The following WRN variants were observed in gnomAD, a reference collection of about 807,000 sequenced individuals.
The protein encoded by WRN is WRN RecQ like helicase.
Under a neutral mutation model 180.7 loss-of-function variants are expected in WRN, and 149 were observed. That is an observed-to-expected ratio of 0.82 (90% CI 0.72 to 0.94). The LOEUF (loss-of-function observed/expected upper bound fraction) is 0.94, where lower values mean the gene tolerates loss of function less well. Ranked by LOEUF, WRN falls within the 40% of genes least tolerant of loss-of-function variation. WRN has a pLI of 0.00. For missense variants in WRN, 1,661 were observed against 1,700.1 expected, an observed-to-expected ratio of 0.98 and a Z score of 0.40; for synonymous variants, 548 against 568.9, an observed-to-expected ratio of 0.96 and a Z score of 0.52.
intron 1 of WRN, among the ~76,000 whole-genome samples, chr8:31,044,541 G>C (rs1811786309): frequency 2.0e-5 from 3 of 151,850 alleles, no homozygotes; most frequent in Admixed American, 2.0e-4. Context: ...ATTTTTATTA[G>C]AGATGGGGTT....
intron 1 of WRN, among the ~76,000 whole-genome samples, chr8:31,051,532 T>G (rs1812077481): frequency 6.6e-6 from 1 of 152,254 alleles, no homozygotes; most frequent in South Asian, 2.1e-4. Flanking sequence ...TCCCAATATC[T>G]AAATGCTGTC....
chr8:31,111,852 T>A (rs982624866), intron 19 of WRN, 53 bp downstream of exon 19: 173 of 1,501,602 alleles, frequency 1.2e-4, no homozygotes, highest in Non-Finnish European at 1.5e-4. Context: ...TTTTTTTTTT[T>A]AACAACTTAT....
chr8:31,152,971 G>A (rs1486669441), intron 31 of WRN, among the ~76,000 whole-genome samples: 1 of 151,594 alleles, frequency 6.6e-6, no homozygotes, highest in Non-Finnish European at 1.5e-5. Context: ...TGAGCCCGGG[G>A]ATTTGAGGCT....
At position 31,157,216 on chromosome 8, in the gene WRN, G is replaced by T. The variant is rs949962610; in HGVS notation, c.3820-152G>T. 6 of 1,136,334 alleles carry T rather than the reference G, an allele frequency of 5.3e-6. No homozygotes were observed. The African/African-American group carries it at 9.3e-5, about 18-fold the overall frequency. The allele number at this position is 1,136,334 out of a possible 1,614,324, so 70.4% of individuals were successfully genotyped here. On this transcript the variant is annotated intron_variant, in intron 32 of 34. Coordinates refer to ENST00000298139, the MANE Select transcript of WRN (RefSeq NM_000553.6). ...GAGCTATAATGGGGGTAGTTTTAAA[G>T]AAATTCTGAAAATGAAAAACTTAAG...
intron 13 of WRN, 118 bp from the exon 14 acceptor site, chr8:31,090,347 A>G: frequency 1.0e-6 from 1 of 974,628 alleles, no homozygotes; most frequent in South Asian, 1.4e-5. Context: ...TTGTGCATTT[A>G]TGTATGAAGT....
chr8:31,062,854 C>T lies in WRN; in HGVS notation c.210-1435C>T, dbSNP rs11574188. ...CATTTTTTTTTCTTTTTAATAAAAA[C>T]AGGGTCTTGCTCTGTTATCCAGGCT... On this transcript the variant is annotated intron_variant, in intron 3 of 34. Transcript: ENST00000298139. Among the ~76,000 whole-genome samples the T allele has an allele frequency of 1.1e-4, 17 of 151,892 alleles. No individual in the cohort carries two copies. In the South Asian group the frequency reaches 3.3e-3, roughly 30 times the overall value.
At position 31,156,116 on chromosome 8, in the gene WRN, G is replaced by C. The variant is rs185038476; in HGVS notation, c.3820-1252G>C. ...TTCTATGTACATGTTAAATATGCCT[G>C]TATATACCTAATTTGACCATGTATG... is the stretch of plus-strand genomic sequence containing the variant. On this transcript the variant is annotated intron_variant, in intron 32 of 34. Coordinates refer to ENST00000298139, the MANE Select transcript of WRN (RefSeq NM_000553.6). Among the ~76,000 whole-genome samples the C allele has an allele frequency of 6.4e-3, 969 of 152,244 alleles. 13 individuals are homozygous for C. The highest frequency in any genetic ancestry group is 8.0e-3 in the Non-Finnish European group (546 of 68,016).
At chr8:31,082,815 C>T (rs1430052536) in intron 9 of WRN, among the ~76,000 whole-genome samples, 2 of 152,086 alleles carry the variant, frequency 1.3e-5, no homozygotes, top group African/African-American at 4.8e-5. Flanking sequence ...TGAGCCACTG[C>T]ACCTGGCCTT....
At chr8:31,086,218 A>G (rs1284926731) in intron 11 of WRN, among the ~76,000 whole-genome samples, 1 of 152,044 alleles carries the variant, frequency 6.6e-6, no homozygotes, top group Non-Finnish European at 1.5e-5. Context: ...ATTTTTATGA[A>G]ATGAGATTAA....
At chr8:31,092,917 G>A (rs1317530159) in intron 16 of WRN, among the ~76,000 whole-genome samples, 1 of 152,040 alleles carries the variant, frequency 6.6e-6, no homozygotes, top group Non-Finnish European at 1.5e-5. Flanking sequence ...GCTGTTGCAT[G>A]TATCAGTAGT....
At chr8:31,059,046 A>C in intron 2 of WRN, 107 bp from the exon 3 acceptor site, 1 of 882,432 alleles carries the variant, frequency 1.1e-6, no homozygotes, top group Middle Eastern at 2.2e-4. Context: ...ATTAATTGAT[A>C]AAACTTAGAA....
intron 34 of WRN, 26 bp from the exon 35 acceptor site, chr8:31,172,969 T>A: frequency 1.2e-6 from 2 of 1,608,728 alleles, no homozygotes; most frequent in Middle Eastern, 3.3e-4. Context: ...AAAGATTTGA[T>A]TTCTTTTTCT....
At position 31,067,118 on chromosome 8, in the gene WRN, G is replaced by A. The variant is rs1812738619; in HGVS notation, c.590G>A (p.Cys197Tyr). Residue 197 changes from cysteine (C) to tyrosine (Y), a missense_variant, in exon 6 of 35, where the codon TGT becomes TAT. Around this residue, in one of 3 missense-constraint regions of WRN, gnomAD observed 500 missense variants for 504.1 expected, o/e 0.99. Coordinates refer to ENST00000298139, the MANE Select transcript of WRN (RefSeq NM_000553.6). ...CTCCTGAAAGACAAGTCTATCCGCT[G>A]TAGCAATTGGAGTAAATTTCCTCTC... ...KQLLKDKSIR[C>Y]SNWSKFPLTE... is the part of the protein sequence containing the mutation. The A allele has an allele frequency of 3.1e-6, 5 of 1,613,964 alleles. No homozygotes were observed. The highest frequency in any genetic ancestry group is 4.2e-6 in the Non-Finnish European group (5 of 1,179,970).
chr8:31,106,619 C>A (rs1374084260), intron 18 of WRN, among the ~76,000 whole-genome samples: 1 of 152,152 alleles, frequency 6.6e-6, no homozygotes, highest in Non-Finnish European at 1.5e-5. Context: ...TTCTCCCATA[C>A]TTCTCTCAGA....
chr8:31,161,857 G>GAGATAAAA (rs1349248541), intron 33 of WRN, among the ~76,000 whole-genome samples: 7 of 83,912 alleles, frequency 8.3e-5, no homozygotes, highest in Non-Finnish European at 1.4e-4. Context: ...AAAAAAAAAA[G>GAGATAAAA]AGATAAAAAG....
At position 31,058,248 on chromosome 8, in the gene WRN, G is replaced by A. The variant is rs1439841121; in HGVS notation, c.-76-124G>A. 7.3e-6 allele frequency: 4 copies of A among 551,284 alleles called. No individual in the cohort carries two copies. In the African/African-American group the frequency reaches 7.6e-5, roughly 10 times the overall value. 34.1% of individuals were successfully genotyped at this position (551,284 alleles called of 1,614,324 possible). A position where few individuals can be genotyped will look rare whatever the true frequency, so the allele number is the denominator to read the frequency against. ...ACTAAATGTATAATTATTAGATGCA[G>A]CATATTGTATCTGTTTTGTTTTGTG... On this transcript the variant is annotated intron_variant, in intron 1 of 34. Coordinates refer to ENST00000298139, the MANE Select transcript of WRN (RefSeq NM_000553.6).
chr8:31,143,056 T>TACACATTC (rs760602455), intron 27 of WRN, among the ~76,000 whole-genome samples: 1 of 115,590 alleles, frequency 8.7e-6, no homozygotes, highest in Non-Finnish European at 1.9e-5. Flanking sequence ...CACACACACA[T>TACACATTC]TCTCTCTCTC....
intron 17 of WRN, 41 bp from the exon 18 acceptor site, chr8:31,100,808 G>T (rs139962455): frequency 6.5e-7 from 1 of 1,543,262 alleles, no homozygotes; most frequent in South Asian, 1.1e-5. Flanking sequence ...TTTTCCTTTC[G>T]AGCTTTATCT....
At chr8:31,037,325 G>A (rs531610085) in intron 1 of WRN, among the ~76,000 whole-genome samples, 170 of 152,320 alleles carry the variant, frequency 1.1e-3, no homozygotes, top group African/African-American at 3.8e-3. Flanking sequence ...AGGTGGTAAC[G>A]TGAGGAATGG....
Sources: allele counts gnomAD v4.1 joint callset (sites outside exome capture counted in the v4.1 genomes callset), GRCh38; gene constraint gnomAD v4.1.1; regional missense constraint gnomAD v4.1.1; transcripts MANE v1.5; gene names NCBI Gene and HGNC (gene_info 2026-07-23, HGNC 2026-07-21).